The following MTMR9 variants were observed in gnomAD, a reference collection of about 807,000 sequenced individuals.
The protein encoded by MTMR9 is myotubularin related protein 9.
Under a neutral mutation model 69.5 loss-of-function variants are expected in MTMR9, and 39 were observed. The observed-to-expected ratio is 0.56, with a 90% CI of 0.43 to 0.73. The LOEUF is 0.73. MTMR9 is among the 30% of genes least tolerant of loss of function. The pLI, the probability that MTMR9 is intolerant of heterozygous loss-of-function variation, is 0.00. For missense variants in MTMR9, 900 were observed against 671.2 expected, an observed-to-expected ratio of 1.34 and a Z score of -3.77; for synonymous variants, 354 against 240.8, an observed-to-expected ratio of 1.47 and a Z score of -4.35.
At chr8:11,287,950 C>T (rs1467666454) in intron 1 of MTMR9, among the ~76,000 whole-genome samples, 2 of 115,708 alleles carry the variant, frequency 1.7e-5, no homozygotes, top group East Asian at 4.7e-4. Flanking sequence ...ATATATCATA[C>T]GTATTATATA....
At chr8:11,316,923 C>T (rs1349935895) in intron 8 of MTMR9, 30 bp downstream of exon 8, 2 of 1,459,366 alleles carry the variant, frequency 1.4e-6, no homozygotes, top group Non-Finnish European at 9.2e-7. Context: ...GGGGACCTTT[C>T]CTTTTCCGTT....
intron 2 of MTMR9, chr8:11,299,006 T>A (rs1799658588): frequency 3.8e-6 from 2 of 520,562 alleles, no homozygotes; most frequent in Non-Finnish European, 4.9e-6. Flanking sequence ...TGAACATTGA[T>A]GGAATTTCTA....
rs1043456467 is a variant in MTMR9, at chr8:11,304,861, C to G, written c.438C>G (p.Ser146Arg). The G allele has an allele frequency of 6.2e-7, 1 of 1,613,904 alleles. No homozygotes were observed. Among genetic ancestry groups the G allele is most frequent in the Admixed American group, 1.7e-5 (1 of 59,990 alleles). ...YSSATSEWRLSYVNKEFAVCP... is the reference protein window; with the variant it reads ...YSSATSEWRLRYVNKEFAVCP... ...TTCAGACCAGTGAATGGAGGCTAAG[C>G]TATGTCAATAAGGAATTTGCTGTCT... The change falls in exon 4 of 10, where the codon AGC (serine) becomes AGG (arginine). Residue 146 changes from serine to arginine, a missense_variant. Ser to Arg is a moderately radical substitution (Grantham distance 110, BLOSUM62 -1). Transcript: ENST00000221086.
rs1339645803 is a variant in MTMR9, at chr8:11,327,525, C to T, written c.*4737C>T. The T allele has an allele frequency of 2.6e-5, 4 of 152,538 alleles. No homozygotes were observed. The highest frequency in any genetic ancestry group is 2.1e-4 in the South Asian group (1 of 4,826). The allele number at this position is 152,538 out of a possible 1,614,324, so 9.4% of individuals were successfully genotyped here. A position where few individuals can be genotyped will look rare whatever the true frequency, so the allele number is the denominator to read the frequency against. On this transcript the variant is annotated 3_prime_UTR_variant, in exon 10 of 10. Coordinates refer to ENST00000221086, the MANE Select transcript of MTMR9 (RefSeq NM_015458.4). ...GAGGTGAATTATTCTACAAAATGCA[C>T]CCTAAATCTCATTGTTTAAAACCTT...
chr8:11,300,811 A>G (rs932352680), intron 3 of MTMR9: 4 of 152,222 alleles, frequency 2.6e-5, no homozygotes, highest in African/African-American at 9.7e-5. Flanking sequence ...ACATTGTTGG[A>G]AGAAGTTGCA....
chr8:11,309,052 T>G (rs1290975700), intron 5 of MTMR9, among the ~76,000 whole-genome samples: 1 of 152,236 alleles, frequency 6.6e-6, no homozygotes, highest in African/African-American at 2.4e-5. Flanking sequence ...ACCTATTGTC[T>G]CTTGTTTGTA....
downstream of MTMR9, chr8:11,331,627 G>T: frequency 6.2e-7 from 1 of 1,612,986 alleles, no homozygotes; most frequent in South Asian, 1.1e-5. Flanking sequence ...ATCATTCTGG[G>T]ACCTGGACTC....
intron 3 of MTMR9, 96 bp from the exon 4 acceptor site, chr8:11,304,745 C>A: frequency 8.3e-7 from 1 of 1,204,592 alleles, no homozygotes; most frequent in Non-Finnish European, 1.2e-6. Flanking sequence ...GCTTCTTCAT[C>A]AGTGAAAGTT....
chr8:11,315,550 C>T (rs977214751), intron 7 of MTMR9, among the ~76,000 whole-genome samples: 3 of 152,192 alleles, frequency 2.0e-5, no homozygotes, highest in Non-Finnish European at 4.4e-5. Context: ...GGATTGATAT[C>T]CTCCACAGAG....
intron 3 of MTMR9, among the ~76,000 whole-genome samples, chr8:11,301,846 G>C (rs779096966): frequency 6.6e-6 from 1 of 152,132 alleles, no homozygotes; most frequent in Non-Finnish European, 1.5e-5. Context: ...ATATAGATCC[G>C]AAATAATTAC....
chr8:11,312,043 C>T lies in MTMR9; in HGVS notation c.971+2355C>T, dbSNP rs192784844. Among the ~76,000 whole-genome samples, 172 of 151,998 alleles carry T rather than the reference C, an allele frequency of 1.1e-3. 1 individual carries two copies. The highest frequency in any genetic ancestry group is 1.1e-3 in the Non-Finnish European group (76 of 67,974). On this transcript the variant is annotated intron_variant, in intron 6 of 9. Coordinates refer to ENST00000221086, the MANE Select transcript of MTMR9 (RefSeq NM_015458.4). ...GCAATTCAGTCAAATCTTCAGGTTCCTAATTATTTATTTATTTAGGAGACA... is the reference window on the plus strand; with the variant it reads ...GCAATTCAGTCAAATCTTCAGGTTCTTAATTATTTATTTATTTAGGAGACA...
intron 6 of MTMR9, among the ~76,000 whole-genome samples, chr8:11,313,530 T>C (rs957438982): frequency 2.6e-5 from 4 of 152,232 alleles, no homozygotes; most frequent in Non-Finnish European, 5.9e-5. Flanking sequence ...GCTTAATCAT[T>C]TCTAGCTTTT....
At chr8:11,335,690 C>G in the MTMR9 span, among the ~76,000 whole-genome samples, 2 of 152,168 alleles carry the variant, frequency 1.3e-5, no homozygotes. Flanking sequence ...TATTTCTTGC[C>G]TAGCTTCTGG....
intron 5 of MTMR9, among the ~76,000 whole-genome samples, chr8:11,309,161 G>C (rs1800089985): frequency 6.6e-6 from 1 of 152,128 alleles, no homozygotes; most frequent in Admixed American, 6.5e-5. Flanking sequence ...GCTGCTGATG[G>C]CACTGGGTCT....
rs757306478 is a variant in MTMR9, at chr8:11,309,712, GAGCGAA to G, written c.971+26_971+31del. On this transcript the variant is annotated intron_variant, in intron 6 of 9. Coordinates refer to ENST00000221086, the MANE Select transcript of MTMR9 (RefSeq NM_015458.4). ...AGGTAAAGTGCATTTCAGCGTTCCT[GAGCGAA>G]ACATGGCGCTGCTAACTAGACTTTG... 1.9e-5 allele frequency: 31 copies of G among 1,610,308 alleles called. No individual in the cohort carries two copies. In the African/African-American group the frequency reaches 3.2e-4, roughly 17 times the overall value.
In MTMR9 at chr8:11,284,996, G is replaced by C; in HGVS notation, c.108G>C (p.Leu36Phe). ...EGTLCLTGHHLILSSRQDNTE... is the reference protein window; with the variant it reads ...EGTLCLTGHHFILSSRQDNTE... ...CCCTGTGCCTGACGGGCCACCACTTGATCCTGTCCTCCCGGCAGGACAATA... is the reference window on the plus strand; with the variant it reads ...CCCTGTGCCTGACGGGCCACCACTTCATCCTGTCCTCCCGGCAGGACAATA... Residue 36 changes from leucine (L) to phenylalanine (F), a missense_variant, in exon 1 of 10, where the codon TTG becomes TTC. Leu to Phe is a conservative substitution (Grantham distance 22). Coordinates refer to ENST00000221086, the MANE Select transcript of MTMR9 (RefSeq NM_015458.4). 4 of 1,613,766 alleles carry C rather than the reference G, an allele frequency of 2.5e-6. No homozygotes were observed. The highest frequency in any genetic ancestry group is 3.4e-6 in the Non-Finnish European group (4 of 1,179,874).
intron 3 of MTMR9, among the ~76,000 whole-genome samples, chr8:11,302,274 A>AG (rs1799772792): frequency 1.0e-5 from 1 of 100,436 alleles, no homozygotes; most frequent in Non-Finnish European, 1.9e-5. Context: ...AAAAAAAAAA[A>AG]GAGGAAGACA....
At chr8:11,301,057 A>G (rs1178348980) in intron 3 of MTMR9, among the ~76,000 whole-genome samples, 1 of 152,194 alleles carries the variant, frequency 6.6e-6, no homozygotes, top group Admixed American at 6.5e-5. Flanking sequence ...ATTTGCAGAA[A>G]CAAGTAGCAG....
At chr8:11,334,039 C>T in the MTMR9 span, among the ~76,000 whole-genome samples, 1 of 152,202 alleles carries the variant, frequency 6.6e-6, no homozygotes, top group Non-Finnish European at 1.5e-5. Flanking sequence ...TTCTGTCTCA[C>T]ACACTGTCTT....
Sources: allele counts gnomAD v4.1 joint callset (sites outside exome capture counted in the v4.1 genomes callset), GRCh38; gene constraint gnomAD v4.1.1; transcripts MANE v1.5; gene names NCBI Gene and HGNC (gene_info 2026-07-23, HGNC 2026-07-21).